Variants in CPQ observed in about 807,000 individuals in gnomAD.
CPQ encodes the protein carboxypeptidase Q, also known as Ser-Met dipeptidase.
A neutral mutation model predicts 45.7 loss-of-function variants in CPQ; 37 were observed. The observed-to-expected ratio is 0.81, with a 90% CI of 0.62 to 1.07. CPQ has a LOEUF of 1.07. CPQ is among the 50% of genes least tolerant of loss of function. The pLI, the probability that CPQ is intolerant of heterozygous loss-of-function variation, is 0.00. For synonymous variants in CPQ, 186 were observed against 205.8 expected (o/e 0.90, Z 0.82); for missense variants, 537 against 572.9 (o/e 0.94, Z 0.64).
intron 7 of CPQ, among the ~76,000 whole-genome samples, chr8:97,117,255 T>C (rs1811610668): frequency 6.6e-6 from 1 of 152,194 alleles, no homozygotes; most frequent in African/African-American, 2.4e-5. Context: ...GCCCTCCTGT[T>C]CTTCTCCCAG....
intron 3 of CPQ, among the ~76,000 whole-genome samples, chr8:96,863,374 A>G (rs1811956021): frequency 6.6e-6 from 1 of 152,124 alleles, no homozygotes; most frequent in Admixed American, 6.5e-5. Flanking sequence ...AGTTGAATGT[A>G]TGATAGGGGA....
At chr8:96,929,338 A>T (rs1003402329) in intron 4 of CPQ, among the ~76,000 whole-genome samples, 1 of 152,230 alleles carries the variant, frequency 6.6e-6, no homozygotes, top group African/African-American at 2.4e-5. Flanking sequence ...ATGTTGGAAG[A>T]TAAGATGTTC....
At chr8:97,037,273 T>G (rs529553031) in intron 6 of CPQ, among the ~76,000 whole-genome samples, 1 of 152,364 alleles carries the variant, frequency 6.6e-6, no homozygotes, top group African/African-American at 2.4e-5. Context: ...CATTTTTATT[T>G]TACTAACTCT....
intron 1 of CPQ, among the ~76,000 whole-genome samples, chr8:96,673,613 T>G (rs1809035050): frequency 6.6e-6 from 1 of 152,154 alleles, no homozygotes; most frequent in Admixed American, 6.6e-5. Flanking sequence ...TTCTAGGAAG[T>G]CAGTGTGAAT....
At chr8:96,887,762 A>G (rs917907702) in intron 4 of CPQ, among the ~76,000 whole-genome samples, 7 of 152,200 alleles carry the variant, frequency 4.6e-5, no homozygotes, top group Admixed American at 2.6e-4. Context: ...TATGGAAAGG[A>G]AAGTGTTTGG....
At chr8:97,019,696 C>A (rs1809644481) in intron 5 of CPQ, among the ~76,000 whole-genome samples, 1 of 152,076 alleles carries the variant, frequency 6.6e-6, no homozygotes, top group African/African-American at 2.4e-5. Flanking sequence ...TATATATGCA[C>A]CTAACACTGG....
intron 6 of CPQ, among the ~76,000 whole-genome samples, chr8:97,041,419 A>G (rs1419195923): frequency 3.3e-5 from 5 of 152,248 alleles, no homozygotes; most frequent in South Asian, 2.1e-4. Context: ...ATACAATCAT[A>G]TCACCTGCAA....
At chr8:97,046,295 C>CGTGT (rs1386349547) in intron 6 of CPQ, among the ~76,000 whole-genome samples, 3 of 150,882 alleles carry the variant, frequency 2.0e-5, no homozygotes, top group African/African-American at 7.3e-5. Flanking sequence ...AGACCTCTCT[C>CGTGT]GTGTACTCTC....
intron 7 of CPQ, among the ~76,000 whole-genome samples, chr8:97,134,416 C>T (rs7007951): frequency 0.26 from 39,105 of 152,116 alleles, 5,731 homozygotes; most frequent in East Asian, 0.61. Context: ...TTAGACTGAA[C>T]GATCAGGGAG....
intron 1 of CPQ, among the ~76,000 whole-genome samples, chr8:96,726,752 C>G (rs1307828782): frequency 6.6e-6 from 1 of 152,072 alleles, no homozygotes; most frequent in African/African-American, 2.4e-5. Flanking sequence ...AGATCCAAAC[C>G]ACATCATCAT....
intron 7 of CPQ, among the ~76,000 whole-genome samples, chr8:97,131,042 A>T (rs1811946425): frequency 6.6e-6 from 1 of 152,226 alleles, no homozygotes; most frequent in Non-Finnish European, 1.5e-5. Context: ...CATTTAGCTA[A>T]CATTCACCCA....
intron 1 of CPQ, among the ~76,000 whole-genome samples, chr8:96,663,680 TTATA>T: frequency 6.6e-6 from 1 of 152,334 alleles, no homozygotes; most frequent in African/African-American, 2.4e-5. Flanking sequence ...TGATATGTGT[TTATA>T]TACTTCTAAG....
rs185419969 is a variant in CPQ at position 96,924,934 on chromosome 8, G to A, written c.850-41001G>A. Reference sequence around the variant, plus strand: ...TTTTGTTCTGTTTTGTTTTAACACAGCGATCTACCCTTTTATGTAACCCCT... The same window carrying A: ...TTTTGTTCTGTTTTGTTTTAACACAACGATCTACCCTTTTATGTAACCCCT... On this transcript the variant is annotated intron_variant, in intron 4 of 7. Coordinates refer to ENST00000220763, the MANE Select transcript of CPQ (RefSeq NM_016134.4). Among the ~76,000 whole-genome samples, 8 of 152,224 alleles carry A rather than the reference G, an allele frequency of 5.3e-5. No homozygotes were observed. In the East Asian group the frequency reaches 1.4e-3, roughly 26 times the overall value.
In CPQ at chr8:96,738,888, CTT is replaced by C. The variant is rs564972591; in HGVS notation, c.-34-45974_-34-45973del. Among the ~76,000 whole-genome samples the C allele has an allele frequency of 5.1e-3, 775 of 152,010 alleles. 4 individuals are homozygous for C. Among genetic ancestry groups the C allele is most frequent in the African/African-American group, 0.015 (612 of 41,450 alleles). On this transcript the variant is annotated intron_variant, in intron 1 of 7. Transcript: ENST00000220763. ...TTGGACATTTGGGTTGGTTCCAAGT[CTT>C]TGCTATTGTGAATAATGCCGCAATA...
intron 1 of CPQ, among the ~76,000 whole-genome samples, chr8:96,704,452 A>G (rs1809507214): frequency 6.6e-6 from 1 of 152,168 alleles, no homozygotes; most frequent in African/African-American, 2.4e-5. Flanking sequence ...ATTAGTATGG[A>G]CAATCAGGAA....
chr8:96,967,803 T>C (rs1177947391), intron 5 of CPQ, among the ~76,000 whole-genome samples: 2 of 152,236 alleles, frequency 1.3e-5, no homozygotes, highest in Admixed American at 6.5e-5. Flanking sequence ...AGGGTTCAAA[T>C]CTCAGCTCTG....
At chr8:96,658,736 G>A (rs1217127081) in intron 1 of CPQ, among the ~76,000 whole-genome samples, 1 of 152,206 alleles carries the variant, frequency 6.6e-6, no homozygotes, top group Non-Finnish European at 1.5e-5. Flanking sequence ...TTCAAAGAGA[G>A]ACAGTGCCAC....
chr8:96,866,257 G>A (rs1212909195), intron 3 of CPQ, among the ~76,000 whole-genome samples: 2 of 151,962 alleles, frequency 1.3e-5, no homozygotes, highest in Non-Finnish European at 2.9e-5. Flanking sequence ...TTAAATTCTG[G>A]TAATTGGTAA....
chr8:96,746,691 A>G (rs975415451), intron 1 of CPQ, among the ~76,000 whole-genome samples: 1 of 152,208 alleles, frequency 6.6e-6, no homozygotes, highest in African/African-American at 2.4e-5. Flanking sequence ...AAGTATATGA[A>G]GAAGGATTTT....
Sources: allele counts gnomAD v4.1 joint callset (sites outside exome capture counted in the v4.1 genomes callset), GRCh38; gene constraint gnomAD v4.1.1; transcripts MANE v1.5; gene names NCBI Gene and HGNC (gene_info 2026-07-23, HGNC 2026-07-21).